The following WWP1 variants were observed in gnomAD, a reference collection of about 807,000 sequenced individuals.
WWP1 encodes the protein WW domain containing E3 ubiquitin protein ligase 1.
A neutral mutation model predicts 130.6 loss-of-function variants in WWP1; 49 were observed. The observed-to-expected ratio is 0.38, with a 90% CI of 0.30 to 0.48. WWP1 has a LOEUF of 0.48. WWP1 is among the 20% of genes least tolerant of loss of function. The probability of loss-of-function intolerance (pLI) is 0.99; values close to 1 mark genes in which losing one functional copy is unlikely to be tolerated. For missense variants in WWP1, 809 were observed against 1,100.6 expected (o/e 0.74, Z 3.75); for synonymous variants, 332 against 367.8 (o/e 0.90, Z 1.11).
At position 86,448,474 on chromosome 8, in the gene WWP1, A is replaced by G. The variant is rs148651938; in HGVS notation, c.2234A>G (p.Asn745Ser). Residue 745 changes from asparagine (N) to serine (S), a missense_variant, in exon 20 of 25, where the codon AAT (asparagine) becomes AGT (serine). Around this residue, in one of 3 missense-constraint regions of WWP1, gnomAD observed 450 missense variants for 674.2 expected, o/e 0.67. Coordinates refer to ENST00000517970, the MANE Select transcript of WWP1 (RefSeq NM_007013.4). ...CATGACCTGAAGTTGGGAGGTTCCAATATTCTGGTGACTGAGGAGAACAAA... is the reference window on the plus strand; with the variant it reads ...CATGACCTGAAGTTGGGAGGTTCCAGTATTCTGGTGACTGAGGAGAACAAA... ...TSHDLKLGGS[N>S]ILVTEENKDE... The G allele has an allele frequency of 2.6e-3, 4,272 of 1,613,806 alleles. 13 individuals are homozygous for G. Among genetic ancestry groups the G allele is most frequent in the Non-Finnish European group, 3.3e-3 (3,940 of 1,179,894 alleles).
At chr8:86,407,004 C>G (rs1808315856) in intron 8 of WWP1, among the ~76,000 whole-genome samples, 1 of 152,120 alleles carries the variant, frequency 6.6e-6, no homozygotes, top group African/African-American at 2.4e-5. Context: ...CTTAACCTCT[C>G]AAAGATTAAA....
intron 24 of WWP1, among the ~76,000 whole-genome samples, chr8:86,464,326 T>G (rs892326803): frequency 6.6e-6 from 1 of 152,186 alleles, no homozygotes; most frequent in African/African-American, 2.4e-5. Context: ...ATTTAAAAGA[T>G]TTCCAAAACT....
chr8:86,360,890 T>A (rs1174196402), intron 1 of WWP1, among the ~76,000 whole-genome samples: 1 of 152,180 alleles, frequency 6.6e-6, no homozygotes, highest in African/African-American at 2.4e-5. Flanking sequence ...TAAGTTGAGT[T>A]CTAAGACTGA....
chr8:86,397,237 C>T (rs1454026354), intron 5 of WWP1, among the ~76,000 whole-genome samples: 1 of 152,092 alleles, frequency 6.6e-6, no homozygotes, highest in Non-Finnish European at 1.5e-5. Context: ...CTGCAGAAAG[C>T]CACTGAAGAT....
chr8:86,430,857 C>T (rs561701668), intron 12 of WWP1, 106 bp downstream of exon 12: 2 of 354,342 alleles, frequency 5.6e-6, no homozygotes, highest in East Asian at 1.8e-4. Context: ...ATATATATAT[C>T]TCCCTTATAT....
intron 5 of WWP1, among the ~76,000 whole-genome samples, chr8:86,388,036 A>G (rs974792584): frequency 6.6e-6 from 1 of 152,064 alleles, no homozygotes; most frequent in Non-Finnish European, 1.5e-5. Flanking sequence ...TTAATTTTAA[A>G]CTTGGTTTTA....
chr8:86,466,820 A>G lies in WWP1; in HGVS notation c.2696A>G (p.Tyr899Cys), dbSNP rs752555908. 3.3e-5 allele frequency: 53 copies of G among 1,601,672 alleles called. No individual in the cohort carries two copies. Among genetic ancestry groups the G allele is most frequent in the Non-Finnish European group, 4.0e-5 (47 of 1,176,760 alleles). Residue 899 changes from tyrosine to cysteine, a missense_variant, in exon 25 of 25, where the codon TAT (tyrosine) becomes TGT (cysteine). Around this residue, in one of 3 missense-constraint regions of WWP1, gnomAD observed 450 missense variants for 674.2 expected, o/e 0.67. Coordinates refer to ENST00000517970, the MANE Select transcript of WWP1 (RefSeq NM_007013.4). ...TCFNRLDLPP[Y>C]KSYEQLKEKL... ...TTTAATCGCTTGGATCTACCACCAT[A>G]TAAGAGTTATGAACAACTAAAGGAA...
At chr8:86,380,495 G>C (rs1213388218) in intron 3 of WWP1, among the ~76,000 whole-genome samples, 1 of 152,152 alleles carries the variant, frequency 6.6e-6, no homozygotes, top group African/African-American at 2.4e-5. Context: ...GAATTGTACA[G>C]TTTAAGTGGG....
chr8:86,416,801 G>A (rs780354517), intron 9 of WWP1, among the ~76,000 whole-genome samples: 15 of 152,034 alleles, frequency 9.9e-5, no homozygotes, highest in Non-Finnish European at 2.2e-4. Context: ...TTTTCACTAC[G>A]GGATTATCTG....
chr8:86,448,198 C>T lies in WWP1; in HGVS notation c.2049C>T (p.Tyr683=), dbSNP rs1309853449. The T allele has an allele frequency of 1.3e-6, 2 of 1,576,862 alleles. No homozygotes were observed. The highest frequency in any genetic ancestry group is 1.7e-6 in the Non-Finnish European group (2 of 1,171,038). The stretch of plus-strand genomic sequence containing the variant: ...ATACTGGTTTCTCTTTACCATTCTA[C>T]AAGCGTATGTTAAGTAAAAAACTTA... The part of the protein sequence containing the change: ...FIDTGFSLPF[Y]KRMLSKKLTI... The change falls in exon 19 of 25, where the codon TAC becomes TAT. Residue 683 remains tyrosine (Y), a synonymous_variant. Transcript: ENST00000517970.
intron 1 of WWP1, among the ~76,000 whole-genome samples, chr8:86,368,051 A>C (rs1372627745): frequency 6.6e-6 from 1 of 152,176 alleles, no homozygotes; most frequent in African/African-American, 2.4e-5. Context: ...GGTTGTTAGC[A>C]ATTTTCTTTT....
chr8:86,428,284 C>G (rs944396969), intron 11 of WWP1, among the ~76,000 whole-genome samples: 8 of 152,052 alleles, frequency 5.3e-5, no homozygotes, highest in Admixed American at 1.3e-4. Context: ...TTCTAGAACT[C>G]GAAAGTTTTA....
At chr8:86,418,172 A>G (rs1315277826) in intron 9 of WWP1, among the ~76,000 whole-genome samples, 1 of 152,214 alleles carries the variant, frequency 6.6e-6, no homozygotes, top group Non-Finnish European at 1.5e-5. Context: ...CCAAATATTT[A>G]ATCGACAAAT....
rs747722890 is a variant in WWP1, at chr8:86,438,602, C to G, written c.1767C>G (p.Pro589=). The G allele has an allele frequency of 1.2e-6, 2 of 1,606,356 alleles. No homozygotes were observed. The highest frequency in any genetic ancestry group is 1.7e-5 in the Admixed American group (1 of 58,244). ...TTAATTAGATTATGGCATTAAAACC[C>G]TATGACTTGAGGAGGCGCTTATATG... ...DSFQQIMALK[P]YDLRRRLYVI... Residue 589 remains proline, a synonymous_variant, in exon 17 of 25, where the codon CCC becomes CCG. Coordinates refer to ENST00000517970, the MANE Select transcript of WWP1 (RefSeq NM_007013.4).
intron 18 of WWP1, among the ~76,000 whole-genome samples, chr8:86,445,976 C>CTTTTTTTTT (rs56731329): frequency 1.2e-4 from 10 of 84,982 alleles, no homozygotes; most frequent in South Asian, 4.8e-4. Context: ...CTTTTCTTTT[C>CTTTTTTTTT]TTTTTTTTTT....
In WWP1 at chr8:86,342,630, C is replaced by T; in HGVS notation, c.-415C>T. 1.4e-5 allele frequency: 3 copies of T among 221,584 alleles called. No homozygotes were observed. The highest frequency in any genetic ancestry group is 2.6e-5 in the Non-Finnish European group (3 of 115,486). The allele number at this position is 221,584 out of a possible 1,614,324, so 13.7% of individuals were successfully genotyped here. A position where few individuals can be genotyped will look rare whatever the true frequency, so the allele number is the denominator to read the frequency against. On this transcript the variant is annotated 5_prime_UTR_variant, in exon 1 of 25. Coordinates refer to ENST00000517970, the MANE Select transcript of WWP1 (RefSeq NM_007013.4). ...CCGGCGGGGAGGCGCGCGCTTAGGG[C>T]GCGGCGCCGGCGACGCGGCCACGCG...
intron 9 of WWP1, among the ~76,000 whole-genome samples, chr8:86,416,321 A>G (rs1254344177): frequency 6.6e-6 from 1 of 152,354 alleles, no homozygotes; most frequent in Admixed American, 6.5e-5. Context: ...GAGGACATAC[A>G]GAACTGAGGG....
At chr8:86,463,463 C>T (rs1204182475) in intron 24 of WWP1, among the ~76,000 whole-genome samples, 5 of 151,958 alleles carry the variant, frequency 3.3e-5, no homozygotes, top group East Asian at 2.0e-4. Context: ...CGCACCACCA[C>T]GCCCAGCTAA....
intron 14 of WWP1, among the ~76,000 whole-genome samples, chr8:86,434,150 C>G (rs1810152969): frequency 6.6e-6 from 1 of 152,120 alleles, no homozygotes; most frequent in African/African-American, 2.4e-5. Context: ...TTGTTACTCT[C>G]CATACAGCAC....
Sources: allele counts gnomAD v4.1 joint callset (sites outside exome capture counted in the v4.1 genomes callset), GRCh38; gene constraint gnomAD v4.1.1; regional missense constraint gnomAD v4.1.1; transcripts MANE v1.5; gene names NCBI Gene and HGNC (gene_info 2026-07-23, HGNC 2026-07-21).